The following C8orf34 variants were observed in gnomAD, a reference collection of about 807,000 sequenced individuals.
C8orf34 encodes chromosome 8 open reading frame 34, also known as uncharacterized protein C8orf34.
In C8orf34, 65 loss-of-function variants were observed where a neutral mutation model predicts 68.3. The ratio of observed to expected loss-of-function variants is 0.95; its 90% CI spans 0.78 to 1.17. The LOEUF (loss-of-function observed/expected upper bound fraction) is 1.17. Ranked by LOEUF, C8orf34 falls within the 50% of genes most tolerant of loss-of-function variation. The pLI is 0.00. For missense variants in C8orf34, 664 were observed against 655.4 expected (o/e 1.01, Z -0.14); for synonymous variants, 244 against 241.2 (o/e 1.01, Z -0.11).
At chr8:68,549,251 A>G (rs946921920) in intron 7 of C8orf34, among the ~76,000 whole-genome samples, 32 of 151,884 alleles carry the variant, frequency 2.1e-4, no homozygotes, top group African/African-American at 7.2e-4. Context: ...TAAGCCACCC[A>G]ATCTATGGCA....
At chr8:68,520,621 T>A (rs1814711753) in intron 5 of C8orf34, among the ~76,000 whole-genome samples, 1 of 99,610 alleles carries the variant, frequency 1.0e-5, no homozygotes, top group Admixed American at 8.9e-5. Flanking sequence ...CGGCTAATTT[T>A]TTTTTTTTTT....
At chr8:68,774,191 A>T (rs1364057997) in intron 10 of C8orf34, among the ~76,000 whole-genome samples, 1 of 152,030 alleles carries the variant, frequency 6.6e-6, no homozygotes, top group Non-Finnish European at 1.5e-5. Flanking sequence ...CACATAAAGG[A>T]CTGACTGGTT....
At chr8:68,590,097 GA>G (rs1030096093) in intron 7 of C8orf34, among the ~76,000 whole-genome samples, 4 of 145,266 alleles carry the variant, frequency 2.8e-5, no homozygotes, top group Non-Finnish European at 4.5e-5. Flanking sequence ...AAGAAGGAAC[GA>G]AAGAAGAAAA....
At chr8:68,642,622 A>G (rs1819045726) in intron 8 of C8orf34, among the ~76,000 whole-genome samples, 1 of 152,200 alleles carries the variant, frequency 6.6e-6, no homozygotes, top group East Asian at 1.9e-4. Flanking sequence ...AGAGTAACAC[A>G]AATAGTGCAA....
chr8:68,589,152 C>T (rs1232946290), intron 7 of C8orf34, among the ~76,000 whole-genome samples: 1 of 152,120 alleles, frequency 6.6e-6, no homozygotes, highest in Non-Finnish European at 1.5e-5. Flanking sequence ...TGAGGATAAA[C>T]TAGAGAATAT....
At chr8:68,602,365 A>G (rs1817723566) in intron 7 of C8orf34, among the ~76,000 whole-genome samples, 1 of 152,166 alleles carries the variant, frequency 6.6e-6, no homozygotes, top group South Asian at 2.1e-4. Context: ...ATTGATTCAC[A>G]GTTTTACATG....
At chr8:68,560,977 A>T (rs1254143135) in intron 7 of C8orf34, among the ~76,000 whole-genome samples, 9 of 139,952 alleles carry the variant, frequency 6.4e-5, no homozygotes, top group East Asian at 6.3e-4. Context: ...TTTTAATTTA[A>T]TTTTTTTTTT....
Position 68,383,182 on chromosome 8 carries a change from G to A in C8orf34, c.327+51843G>A, listed in dbSNP as rs531380423. Among the ~76,000 whole-genome samples the A allele has an allele frequency of 1.8e-3, 277 of 152,246 alleles. 2 individuals carry two copies. The highest frequency in any genetic ancestry group is 2.5e-3 in the Non-Finnish European group (170 of 68,026). Reference sequence around the variant, plus strand: ...GAAATTATCTGGGGTCATTATCATGGCCATGTTTATATTCTTTATTTACAT... The same window carrying A: ...GAAATTATCTGGGGTCATTATCATGACCATGTTTATATTCTTTATTTACAT... On this transcript the variant is annotated intron_variant, in intron 1 of 13. Coordinates refer to ENST00000518698, the MANE Select transcript of C8orf34 (RefSeq NM_052958.4).
At chr8:68,526,204 AC>A (rs1228633864) in intron 6 of C8orf34, among the ~76,000 whole-genome samples, 1 of 151,744 alleles carries the variant, frequency 6.6e-6, no homozygotes, top group Non-Finnish European at 1.5e-5. Flanking sequence ...CAAGCAATCC[AC>A]CCATCTTGGC....
intron 4 of C8orf34, among the ~76,000 whole-genome samples, chr8:68,477,877 A>T (rs1357791229): frequency 6.6e-6 from 1 of 152,074 alleles, no homozygotes; most frequent in Non-Finnish European, 1.5e-5. Flanking sequence ...TATAGCCACC[A>T]CTGGAGCTGA....
chr8:68,490,190 T>C (rs1813251936), intron 5 of C8orf34, among the ~76,000 whole-genome samples: 1 of 152,206 alleles, frequency 6.6e-6, no homozygotes, highest in Non-Finnish European at 1.5e-5. Context: ...ATGTTCATTT[T>C]AAGTACTAAG....
intron 7 of C8orf34, among the ~76,000 whole-genome samples, chr8:68,598,740 G>T (rs557015634): frequency 3.9e-5 from 6 of 152,204 alleles, no homozygotes; most frequent in Non-Finnish European, 5.9e-5. Flanking sequence ...TTGAAAATTT[G>T]TCAGTTCTCT....
intron 1 of C8orf34, among the ~76,000 whole-genome samples, chr8:68,406,378 G>A (rs16934575): frequency 0.034 from 5,193 of 152,242 alleles, 300 homozygotes; most frequent in African/African-American, 0.11. Flanking sequence ...AGTTGGGAGA[G>A]ATAAGAGGCA....
intron 7 of C8orf34, among the ~76,000 whole-genome samples, chr8:68,589,089 A>T (rs765948294): frequency 6.6e-6 from 1 of 152,166 alleles, no homozygotes; most frequent in Non-Finnish European, 1.5e-5. Context: ...TGAACAGCAA[A>T]CGGCCAGGCA....
rs1295260309 is a variant in C8orf34, at chr8:68,784,822, G to GTGTA, written c.1456-2618_1456-2617insATGT. Among the ~76,000 whole-genome samples, 205 of 152,186 alleles carry GTGTA rather than the reference G, an allele frequency of 1.3e-3. 2 individuals carry two copies. The highest frequency in any genetic ancestry group is 0.012 in the Admixed American group (182 of 15,270). Reference sequence around the variant, plus strand: ...TGTGTATGTGTGTGTGTGTGTGTGTGTGTGTTTTCGAGTACTTTCTTGCTT... The same window carrying GTGTA: ...TGTGTATGTGTGTGTGTGTGTGTGTGTGTATGTGTTTTCGAGTACTTTCTTGCTT... On this transcript the variant is annotated intron_variant, in intron 11 of 13. Coordinates refer to ENST00000518698, the MANE Select transcript of C8orf34 (RefSeq NM_052958.4).
chr8:68,779,006 G>C (rs1023588101), intron 11 of C8orf34, among the ~76,000 whole-genome samples: 3 of 151,796 alleles, frequency 2.0e-5, no homozygotes, highest in Non-Finnish European at 2.9e-5. Context: ...GTGAGACCCT[G>C]TCTCTACAAA....
intron 7 of C8orf34, among the ~76,000 whole-genome samples, chr8:68,590,656 T>G (rs1489581418): frequency 6.6e-6 from 1 of 152,194 alleles, no homozygotes; most frequent in Non-Finnish European, 1.5e-5. Flanking sequence ...TCTAACTACA[T>G]GTGGAAGTCC....
At chr8:68,545,889 A>T (rs60238913) in intron 7 of C8orf34, among the ~76,000 whole-genome samples, 2 of 152,048 alleles carry the variant, frequency 1.3e-5, no homozygotes. Context: ...AATGTAGTAT[A>T]GAGTTTATAA....
At chr8:68,630,944 T>A (rs1412537029) in intron 7 of C8orf34, among the ~76,000 whole-genome samples, 1 of 105,596 alleles carries the variant, frequency 9.5e-6, no homozygotes, top group Non-Finnish European at 1.9e-5. Flanking sequence ...CATGCCCAGC[T>A]ATTTTTTTTT....
Sources: allele counts gnomAD v4.1 joint callset (sites outside exome capture counted in the v4.1 genomes callset), GRCh38; gene constraint gnomAD v4.1.1; transcripts MANE v1.5; gene names NCBI Gene and HGNC (gene_info 2026-07-23, HGNC 2026-07-21).